Variants in HSD17B7 observed in about 807,000 individuals in gnomAD.
HSD17B7 encodes the protein 3-keto-steroid reductase/17-beta-hydroxysteroid dehydrogenase 7.
In HSD17B7, 17 loss-of-function variants were observed where a neutral mutation model predicts 34.1. The ratio of observed to expected loss-of-function variants is 0.50; its 90% confidence interval spans 0.34 to 0.75. The LOEUF (loss-of-function observed/expected upper bound fraction) is 0.75, where lower values mean the gene tolerates loss of function less well. Among genes scored for constraint, HSD17B7 ranks in the 30% least tolerant of loss-of-function variants. The pLI is 0.01. For synonymous variants in HSD17B7, 122 were observed against 154.6 expected (o/e 0.79, Z 1.56); for missense variants, 296 against 406.6 (o/e 0.73, Z 2.34).
At chr1:162,795,395 C>T (rs1428565486) in intron 2 of HSD17B7, among the ~76,000 whole-genome samples, 1 of 152,152 alleles carries the variant, frequency 6.6e-6, no homozygotes, top group East Asian at 1.9e-4. Context: ...TGTCATTTTA[C>T]TGAAGCCAGA....
intron 8 of HSD17B7, among the ~76,000 whole-genome samples, chr1:162,809,492 T>C (rs575253400): frequency 1.9e-3 from 292 of 152,210 alleles, no homozygotes; most frequent in African/African-American, 6.5e-3. Flanking sequence ...ATAAAATGAG[T>C]TGGGGAGGAT....
At chr1:162,805,243 C>T (rs1648940730) in intron 7 of HSD17B7, 151 bp from the exon 8 acceptor site, 2 of 1,159,552 alleles carry the variant, frequency 1.7e-6, no homozygotes, top group Non-Finnish European at 2.3e-6. Flanking sequence ...AATTGGTTCT[C>T]AATATATTTG....
chr1:162,808,438 C>A (rs1358171676), intron 8 of HSD17B7, among the ~76,000 whole-genome samples: 2 of 152,154 alleles, frequency 1.3e-5, no homozygotes, highest in Non-Finnish European at 2.9e-5. Context: ...TTAGGATTGT[C>A]TTGGCAATGC....
chr1:162,810,807 T>A (rs1649148404), intron 8 of HSD17B7, among the ~76,000 whole-genome samples: 1 of 152,136 alleles, frequency 6.6e-6, no homozygotes, highest in African/African-American at 2.4e-5. Context: ...CTTGGTAGAT[T>A]TCCCTCCATC....
At chr1:162,808,606 A>C (rs1649069568) in intron 8 of HSD17B7, among the ~76,000 whole-genome samples, 1 of 152,130 alleles carries the variant, frequency 6.6e-6, no homozygotes, top group Non-Finnish European at 1.5e-5. Context: ...ATGAGCATGG[A>C]ATGTTCTTCC....
rs1287096481 is a variant in HSD17B7 at position 162,812,423 on chromosome 1, C to T, written c.*3C>T. The T allele has an allele frequency of 2.5e-6, 4 of 1,576,252 alleles. No homozygotes were observed. The highest frequency in any genetic ancestry group is 3.5e-6 in the Non-Finnish European group (4 of 1,158,880). On this transcript the variant is annotated 3_prime_UTR_variant, in exon 9 of 9. Coordinates refer to ENST00000254521, the MANE Select transcript of HSD17B7 (RefSeq NM_016371.4). ...GGCTCAGTGGCTCATGCCTATAATT[C>T]CAGCACTTTGGGAGGCCAAGGCAGA...
chr1:162,808,159 G>T (rs992930916), intron 8 of HSD17B7, among the ~76,000 whole-genome samples: 9 of 152,178 alleles, frequency 5.9e-5, no homozygotes, highest in Non-Finnish European at 1.3e-4. Context: ...GTGTAAGGAA[G>T]GGATCGAGTT....
chr1:162,794,250 G>A (rs1648522281), intron 2 of HSD17B7, among the ~76,000 whole-genome samples: 1 of 152,168 alleles, frequency 6.6e-6, no homozygotes, highest in Non-Finnish European at 1.5e-5. Context: ...GTAGAAACAA[G>A]GAAGGCTTTC....
rs1166632802 is a variant in HSD17B7 at position 162,803,461 on chromosome 1, A to G, written c.673A>G (p.Thr225Ala). 10 of 1,612,902 alleles carry G rather than the reference A, an allele frequency of 6.2e-6. No homozygotes were observed. The highest frequency in any genetic ancestry group is 1.3e-5 in the African/African-American group (1 of 74,850). ...CTATTCCAATGTGGCCTGTCCAGGT[A>G]CAGCATTGACCAATTTGACATATGG... The part of the protein sequence containing the change: ...GLYSNVACPG[T>A]ALTNLTYGIL... The change falls in exon 6 of 9, where the codon ACA (threonine) becomes GCA (alanine). Residue 225 changes from threonine to alanine, a missense_variant. Thr to Ala is a moderately conservative substitution (Grantham distance 58). Coordinates refer to ENST00000254521, the MANE Select transcript of HSD17B7 (RefSeq NM_016371.4).
chr1:162,806,462 C>A (rs1196989369), intron 8 of HSD17B7, among the ~76,000 whole-genome samples: 1 of 152,174 alleles, frequency 6.6e-6, no homozygotes, highest in Admixed American at 6.5e-5. Context: ...AGAAGCAGTT[C>A]CTCTAGCAAG....
At position 162,796,181 on chromosome 1, in the gene HSD17B7, A is replaced by AT. The variant is rs1235561091; in HGVS notation, c.240-394dup. Reference sequence around the variant, plus strand: ...TACTTGTCAACCAGAGGAGATGTGGATTTTTTTTTTAAAGCAAGACACTTT... The same window carrying AT: ...TACTTGTCAACCAGAGGAGATGTGGATTTTTTTTTTTAAAGCAAGACACTTT... On this transcript the variant is annotated intron_variant, in intron 2 of 8. Transcript: ENST00000254521. 6.8e-3 allele frequency among the ~76,000 whole-genome samples: 1,029 copies of AT among 150,824 alleles called. 16 individuals carry two copies. The highest frequency in any genetic ancestry group is 0.023 in the African/African-American group (936 of 41,098).
In HSD17B7 at chr1:162,792,671, G is replaced by A. The variant is rs776044720; in HGVS notation, c.48G>A (p.Leu16=). The change falls in exon 2 of 9, where the codon CTG becomes CTA. Residue 16 remains leucine (L), a synonymous_variant. Transcript: ENST00000254521. ...ATTGTCCTCCCAGTGGCATTGGCCT[G>A]GCCCTCTGCAAGCGGCTGCTGGCGG... ...LITGASSGIG[L]ALCKRLLAED... is the part of the protein sequence containing the mutation. 4.3e-6 allele frequency: 7 copies of A among 1,612,692 alleles called. No homozygotes were observed. The Admixed American group carries it at 1.2e-4, about 27-fold the overall frequency.
rs1361218063 is a variant in HSD17B7, at chr1:162,800,123, T to C, written c.642+186T>C. ...CATTATAGTTATAGGTAGTTCATTC[T>C]GTGGTTCTTCAGGAATTCTAACTTA... On this transcript the variant is annotated intron_variant, in intron 5 of 8. Coordinates refer to ENST00000254521, the MANE Select transcript of HSD17B7 (RefSeq NM_016371.4). The C allele has an allele frequency of 5.6e-6, 4 of 713,352 alleles. No homozygotes were observed. The African/African-American group carries it at 7.0e-5, about 12-fold the overall frequency. 44.2% of individuals were successfully genotyped at this position (713,352 alleles called of 1,614,324 possible). A position where few individuals can be genotyped will look rare whatever the true frequency, so the allele number is the denominator to read the frequency against.
chr1:162,792,775 C>T lies in HSD17B7; in HGVS notation c.152C>T (p.Ser51Phe). Residue 51 changes from serine to phenylalanine, a missense_variant, in exon 2 of 9, where the codon TCT (serine) becomes TTT (phenylalanine). Ser to Phe is a radical substitution (Grantham distance 155, BLOSUM62 -2). Coordinates refer to ENST00000254521, the MANE Select transcript of HSD17B7 (RefSeq NM_016371.4). The part of the protein sequence containing the change: ...AEAVCAALLA[S>F]HPTAEVTIVQ... ...GCTGTCTGTGCTGCTCTGCTGGCCT[C>T]TCACCCCACTGCTGAGGTCACCATT... is the stretch of plus-strand genomic sequence containing the variant. 1 of 1,614,214 alleles carries T rather than the reference C, an allele frequency of 6.2e-7. No homozygotes were observed. The highest frequency in any genetic ancestry group is 8.5e-7 in the Non-Finnish European group (1 of 1,180,046).
chr1:162,800,975 G>C (rs1039969594), intron 5 of HSD17B7, among the ~76,000 whole-genome samples: 1 of 152,106 alleles, frequency 6.6e-6, no homozygotes, highest in African/African-American at 2.4e-5. Flanking sequence ...CTGGCTCTTA[G>C]AATGATGCCC....
At chr1:162,799,174 A>G (rs1418479200) in intron 4 of HSD17B7, among the ~76,000 whole-genome samples, 2 of 151,952 alleles carry the variant, frequency 1.3e-5, no homozygotes, top group African/African-American at 4.8e-5. Context: ...TTATATCCAT[A>G]TGGACTCATG....
chr1:162,807,440 G>A (rs556292591), intron 8 of HSD17B7, among the ~76,000 whole-genome samples: 69 of 152,316 alleles, frequency 4.5e-4, no homozygotes, highest in Non-Finnish European at 9.3e-4. Flanking sequence ...ACATACATGT[G>A]CATCTGTCCT....
intron 8 of HSD17B7, among the ~76,000 whole-genome samples, chr1:162,808,348 C>G (rs952551225): frequency 6.6e-6 from 1 of 152,076 alleles, no homozygotes; most frequent in Admixed American, 6.6e-5. Context: ...GGTACCAGTA[C>G]CATGCTGTTT....
intron 5 of HSD17B7, 31 bp downstream of exon 5, chr1:162,799,968 C>T (rs753903074): frequency 1.4e-5 from 22 of 1,589,066 alleles, no homozygotes; most frequent in Non-Finnish European, 1.9e-5. Context: ...ACGGAAATGG[C>T]AGAGGAGGGT....
Sources: gnomAD v4.1 joint callset for allele counts (sites outside exome capture counted in the v4.1 genomes callset) on GRCh38, gnomAD v4.1.1 for gene constraint, MANE v1.5 for transcripts, NCBI Gene and HGNC (gene_info 2026-07-23, HGNC 2026-07-21) for gene names.